ZNF280D: variants seen among roughly 807,000 people sequenced by gnomAD.
ZNF280D encodes suppressor of hairy wing homolog 4.
Under a neutral mutation model 94.7 loss-of-function variants are expected in ZNF280D, and 39 were observed. The ratio of observed to expected loss-of-function variants is 0.41; its 90% CI spans 0.32 to 0.54. ZNF280D has a LOEUF of 0.54. ZNF280D is among the 20% of genes least tolerant of loss of function. ZNF280D has a pLI of 0.22. For synonymous variants in ZNF280D, 398 were observed against 377.6 expected (o/e 1.05, Z -0.63); for missense variants, 1,090 against 1,149.3 (o/e 0.95, Z 0.75).
chr15:56,647,683 C>A (rs1283310094), intron 19 of ZNF280D, among the ~76,000 whole-genome samples: 1 of 152,110 alleles, frequency 6.6e-6, no homozygotes, highest in African/African-American at 2.4e-5. Context: ...AGTCACACCA[C>A]AACACTTGGC....
chr15:56,649,609 G>T (rs982123752), intron 19 of ZNF280D, among the ~76,000 whole-genome samples: 33 of 142,716 alleles, frequency 2.3e-4, no homozygotes, highest in East Asian at 8.1e-4. Flanking sequence ...AGATCAGTTT[G>T]TTTTTTTTTT....
At position 56,682,440 on chromosome 15, in the gene ZNF280D, A is replaced by C; in HGVS notation, c.818T>G (p.Leu273Arg). 1 of 1,560,916 alleles carries C rather than the reference A, an allele frequency of 6.4e-7. No individual in the cohort carries two copies. The highest frequency in any genetic ancestry group is 8.6e-7 in the Non-Finnish European group (1 of 1,161,390). ...TGTACTTGAAAATTCTGTTTTAGCC[A>C]GTCCCAAAAAGTTATTTATCATGTC... ...CPDMINNFLG[L>R]AKTEFSSTVN... Residue 273 changes from leucine to arginine, a missense_variant, in exon 10 of 22, where the codon CTG becomes CGG. This residue lies in a region of ZNF280D where 386 missense variants were observed against 372.0 expected (regional missense o/e 1.04). Coordinates refer to ENST00000267807, the MANE Select transcript of ZNF280D (RefSeq NM_017661.4).
At chr15:56,699,070 G>T (rs1462420788) in intron 6 of ZNF280D, 1 of 152,160 alleles carries the variant, frequency 6.6e-6, no homozygotes, top group African/African-American at 2.4e-5. Flanking sequence ...TAAGTTTGTG[G>T]TAATATTGAT....
At chr15:56,652,612 G>C in intron 19 of ZNF280D, 1 of 983,264 alleles carries the variant, frequency 1.0e-6, no homozygotes, top group South Asian at 4.7e-5. Context: ...TGCATTACTG[G>C]TCACCATATG....
At chr15:56,653,812 G>C in intron 19 of ZNF280D, 2 of 1,251,954 alleles carry the variant, frequency 1.6e-6, no homozygotes, top group Non-Finnish European at 2.0e-6. Flanking sequence ...AGCAACAAAT[G>C]TTATTTTTAG....
intron 13 of ZNF280D, among the ~76,000 whole-genome samples, chr15:56,670,067 C>CATAT (rs201081844): frequency 0.023 from 967 of 42,800 alleles, 19 homozygotes; most frequent in Non-Finnish European, 0.032. Context: ...TGTTGTTTTA[C>CATAT]ATATATATAT....
At chr15:56,731,528 A>AAG (rs61478614) in intron 1 of ZNF280D, among the ~76,000 whole-genome samples, 1 of 149,802 alleles carries the variant, frequency 6.7e-6, no homozygotes, top group Non-Finnish European at 1.5e-5. Context: ...AAAAAAAAAA[A>AAG]GACTGAAAAG....
At chr15:56,727,160 C>A (rs2058667236) in intron 1 of ZNF280D, among the ~76,000 whole-genome samples, 1 of 152,194 alleles carries the variant, frequency 6.6e-6, no homozygotes, top group African/African-American at 2.4e-5. Flanking sequence ...AAGAGTTGCT[C>A]TTCCCTCCCT....
intron 9 of ZNF280D, among the ~76,000 whole-genome samples, chr15:56,683,227 T>C (rs544591655): frequency 7.2e-5 from 11 of 152,214 alleles, no homozygotes; most frequent in Non-Finnish European, 1.5e-4. Flanking sequence ...TAATAAACCA[T>C]TGACAACCAA....
chr15:56,714,131 T>C (rs1295444408), intron 1 of ZNF280D, among the ~76,000 whole-genome samples: 5 of 152,210 alleles, frequency 3.3e-5, no homozygotes, highest in African/African-American at 1.2e-4. Context: ...AATGTTTTAG[T>C]GTTAGAAAAC....
chr15:56,728,490 C>T (rs1422805321), intron 1 of ZNF280D, among the ~76,000 whole-genome samples: 3 of 152,148 alleles, frequency 2.0e-5, no homozygotes, highest in African/African-American at 4.8e-5. Context: ...AGAAGATGGC[C>T]GTCCTGTCTT....
intron 1 of ZNF280D, 89 bp from the exon 2 acceptor site, chr15:56,707,395 T>C (rs1475766995): frequency 1.8e-6 from 2 of 1,118,992 alleles, no homozygotes; most frequent in African/African-American, 3.1e-5. Context: ...AGAGGTCAAT[T>C]ATGTTTGATA....
chr15:56,703,440 AGTC>A (rs1292255462), intron 4 of ZNF280D, among the ~76,000 whole-genome samples: 3 of 152,236 alleles, frequency 2.0e-5, no homozygotes, highest in Non-Finnish European at 2.9e-5. Flanking sequence ...GGATGTGAGA[AGTC>A]CCGTTTGAGA....
intron 13 of ZNF280D, among the ~76,000 whole-genome samples, chr15:56,671,858 T>A (rs1453332645): frequency 3.0e-5 from 4 of 133,456 alleles, no homozygotes; most frequent in Non-Finnish European, 5.2e-5. Flanking sequence ...CTCTGAGCAG[T>A]GATCTGTTTA....
At chr15:56,700,515 T>A (rs1011837528) in intron 6 of ZNF280D, 1 of 1,017,326 alleles carries the variant, frequency 9.8e-7, no homozygotes, top group South Asian at 4.3e-5. Context: ...AAAAAATGTT[T>A]GTTTTTTTTT....
At chr15:56,702,869 T>C (rs2057162403) in intron 4 of ZNF280D, among the ~76,000 whole-genome samples, 1 of 150,398 alleles carries the variant, frequency 6.6e-6, no homozygotes, top group African/African-American at 2.4e-5. Flanking sequence ...CAAAAAATTT[T>C]GGTCTCTTAA....
intron 13 of ZNF280D, among the ~76,000 whole-genome samples, chr15:56,671,902 T>C (rs2054890262): frequency 6.6e-6 from 1 of 152,090 alleles, no homozygotes. Context: ...TCACTTCCCT[T>C]GTTAATTGTA....
At chr15:56,710,195 G>A (rs1197201401) in intron 1 of ZNF280D, among the ~76,000 whole-genome samples, 1 of 152,184 alleles carries the variant, frequency 6.6e-6, no homozygotes, top group South Asian at 2.1e-4. Flanking sequence ...CTGAGGTCAG[G>A]AGTTCGAGAC....
chr15:56,663,488 C>A (rs79723248), intron 16 of ZNF280D, among the ~76,000 whole-genome samples: 1,763 of 151,998 alleles, frequency 0.012, 24 homozygotes, highest in East Asian at 0.036. Context: ...TATATATAAA[C>A]CTCAAACTTC....
Sources: gnomAD v4.1 joint callset for allele counts (sites outside exome capture counted in the v4.1 genomes callset) on GRCh38, gnomAD v4.1.1 for gene constraint, gnomAD v4.1.1 regional missense constraint, MANE v1.5 for transcripts, NCBI Gene and HGNC (gene_info 2026-07-23, HGNC 2026-07-21) for gene names.